Variants in PYHIN1 observed in about 807,000 individuals in gnomAD.
PYHIN1 encodes the protein pyrin and HIN domain-containing protein 1.
Under a neutral mutation model 43.7 loss-of-function variants are expected in PYHIN1, and 32 were observed. The observed-to-expected ratio is 0.73, with a 90% CI of 0.55 to 0.98. The LOEUF is 0.98. Ranked by LOEUF, PYHIN1 falls within the 50% of genes least tolerant of loss-of-function variation. The pLI, the probability that PYHIN1 is intolerant of heterozygous loss-of-function variation, is 0.00. For synonymous variants in PYHIN1, 205 were observed against 203.1 expected (o/e 1.01, Z -0.08); for missense variants, 588 against 589.5 (o/e 1.00, Z 0.03).
intron 4 of PYHIN1, 45 bp from the exon 5 acceptor site, chr1:158,941,932 T>TC: frequency 1.3e-6 from 2 of 1,519,342 alleles, no homozygotes; most frequent in Middle Eastern, 1.8e-4. Flanking sequence ...TCTGTATTCC[T>TC]CACTCAAAAA....
At position 158,942,012 on chromosome 1, in the gene PYHIN1, C is replaced by G; in HGVS notation, c.615C>G (p.Ala205=). ...CATTGGCCAACCGTCACGCAACTGC[C>G]AGTAAAAATATTTTCCGAGAAGACC... The part of the protein sequence containing the change: ...LKPLANRHAT[A]SKNIFREDPI... Residue 205 remains alanine (A), a synonymous_variant, in exon 5 of 9, where the codon GCC becomes GCG. Coordinates refer to ENST00000368140, the MANE Select transcript of PYHIN1 (RefSeq NM_152501.5). 1 of 1,611,012 alleles carries G rather than the reference C, an allele frequency of 6.2e-7. No individual in the cohort carries two copies.
rs1400907549 is a variant in PYHIN1, at chr1:158,933,591, T to C, written c.-21+1815T>C. 2.0e-5 allele frequency among the ~76,000 whole-genome samples: 3 copies of C among 152,110 alleles called. No homozygotes were observed. Among genetic ancestry groups the C allele is most frequent in the African/African-American group, 7.2e-5 (3 of 41,460 alleles). On this transcript the variant is annotated intron_variant, in intron 1 of 8. Coordinates refer to ENST00000368140, the MANE Select transcript of PYHIN1 (RefSeq NM_152501.5). This position sits in a 1 kb window ranked among gnomAD's most constrained non-coding sequence, Gnocchi z 6.3. ...AATCAAATTTGATAAAAGTTGTCAT[T>C]TAACTAGTTAACCTCTTTATGTATA...
chr1:158,983,566 A>G, the PYHIN1 span, among the ~76,000 whole-genome samples: 2 of 151,970 alleles, frequency 1.3e-5, no homozygotes, highest in African/African-American at 2.4e-5. Flanking sequence ...GGACTTTTGC[A>G]TCAATATTTA....
intron 7 of PYHIN1, among the ~76,000 whole-genome samples, chr1:158,968,594 G>C (rs999352451): frequency 2.0e-5 from 3 of 152,018 alleles, no homozygotes; most frequent in Non-Finnish European, 2.9e-5. Flanking sequence ...CTAGTACTGG[G>C]CATATGCCCA....
intron 7 of PYHIN1, among the ~76,000 whole-genome samples, chr1:158,949,204 C>CA (rs1649386184): frequency 6.6e-6 from 1 of 152,064 alleles, no homozygotes; most frequent in Non-Finnish European, 1.5e-5. Context: ...GATGAGGTTA[C>CA]AAAACTGTGA....
chr1:158,950,727 T>C (rs1649480778), intron 7 of PYHIN1, among the ~76,000 whole-genome samples: 1 of 152,158 alleles, frequency 6.6e-6, no homozygotes, highest in Non-Finnish European at 1.5e-5. Context: ...TTACCCATAC[T>C]CCCCCTTTTC....
chr1:158,962,103 C>T (rs1053479383), intron 7 of PYHIN1, among the ~76,000 whole-genome samples: 3 of 152,132 alleles, frequency 2.0e-5, no homozygotes, highest in Non-Finnish European at 4.4e-5. Flanking sequence ...TGCCTTCAGG[C>T]CCTGGAGAGT....
Position 158,973,748 on chromosome 1 carries a change from C to T in PYHIN1, c.1461C>T (p.Arg487=). 1 of 1,613,090 alleles carries T rather than the reference C, an allele frequency of 6.2e-7. No homozygotes were observed. Among genetic ancestry groups the T allele is most frequent in the Non-Finnish European group, 8.5e-7 (1 of 1,179,384 alleles). The stretch of plus-strand genomic sequence containing the variant: ...TTTCTTCTGACACTTCCACCAACCG[C>T]CATCCAGCAGTTCCTTAAATAAGGT... ...PPLSSDTSTN[R]HPAVP is the part of the protein sequence containing the mutation. The change falls in exon 8 of 9, where the codon CGC becomes CGT. Residue 487 remains arginine, a synonymous_variant. Transcript: ENST00000368140.
At chr1:158,950,091 A>G (rs964327620) in intron 7 of PYHIN1, among the ~76,000 whole-genome samples, 5 of 152,220 alleles carry the variant, frequency 3.3e-5, no homozygotes, top group African/African-American at 1.2e-4. Context: ...TAGCCAAGCA[A>G]TCACGTTATT....
intron 5 of PYHIN1, 32 bp from the exon 6 acceptor site, chr1:158,943,758 C>T (rs764922644): frequency 6.5e-7 from 1 of 1,544,150 alleles, no homozygotes; most frequent in Admixed American, 1.8e-5. Context: ...TTACTATGTT[C>T]TCACAAACAT....
chr1:158,979,560 T>C (rs1389231264), downstream of PYHIN1, among the ~76,000 whole-genome samples: 2 of 152,212 alleles, frequency 1.3e-5, no homozygotes, highest in Non-Finnish European at 2.9e-5. Flanking sequence ...CATTTTCTTA[T>C]CTATTCATTC....
At chr1:158,965,480 G>A (rs754021838) in intron 7 of PYHIN1, among the ~76,000 whole-genome samples, 8 of 151,992 alleles carry the variant, frequency 5.3e-5, no homozygotes, top group Non-Finnish European at 1.2e-4. Flanking sequence ...CTCTGAAGTC[G>A]ACCACACGAT....
chr1:158,944,267 T>G (rs1011043798), intron 6 of PYHIN1, among the ~76,000 whole-genome samples: 2 of 152,236 alleles, frequency 1.3e-5, no homozygotes, highest in African/African-American at 4.8e-5. Flanking sequence ...CCAAGTTCTT[T>G]GCAGTAAGAT....
intron 1 of PYHIN1, among the ~76,000 whole-genome samples, chr1:158,934,140 T>A (rs1648352867): frequency 6.6e-6 from 1 of 152,166 alleles, no homozygotes; most frequent in Non-Finnish European, 1.5e-5. Flanking sequence ...ACTTGGAGGT[T>A]TATAAAGATT....
At chr1:158,934,703 T>C (rs1344062361) in intron 1 of PYHIN1, among the ~76,000 whole-genome samples, 1 of 152,228 alleles carries the variant, frequency 6.6e-6, no homozygotes, top group Non-Finnish European at 1.5e-5. Flanking sequence ...ACATGTTTTC[T>C]ATAATTAAAA....
chr1:158,939,210 C>G lies in PYHIN1; in HGVS notation c.542C>G (p.Thr181Ser). 6.2e-7 allele frequency: 1 copy of G among 1,610,084 alleles called. No individual in the cohort carries two copies. Among genetic ancestry groups the G allele is most frequent in the Non-Finnish European group, 8.5e-7 (1 of 1,178,940 alleles). Residue 181 changes from threonine (T) to serine (S), a missense_variant, in exon 4 of 9, where the codon ACC becomes AGC. Coordinates refer to ENST00000368140, the MANE Select transcript of PYHIN1 (RefSeq NM_152501.5). ...ATGGGCCGTTCCCCACCTCCCCAGACCTCATCATCAGCTCCACCCAACACT... is the reference window on the plus strand; with the variant it reads ...ATGGGCCGTTCCCCACCTCCCCAGAGCTCATCATCAGCTCCACCCAACACT... ...TAMGRSPPPQ[T>S]SSSAPPNTSS...
In PYHIN1 at chr1:158,932,148, C is replaced by A. The variant is rs79500700; in HGVS notation, c.-21+372C>A. Reference sequence around the variant, plus strand: ...TTTTTTATGGATGCATAGTATTCCACGCTGTATATGCATAACATGGATACG... The same window carrying A: ...TTTTTTATGGATGCATAGTATTCCAAGCTGTATATGCATAACATGGATACG... On this transcript the variant is annotated intron_variant, in intron 1 of 8. Coordinates refer to ENST00000368140, the MANE Select transcript of PYHIN1 (RefSeq NM_152501.5). 5.9e-3 allele frequency among the ~76,000 whole-genome samples: 891 copies of A among 152,212 alleles called. 13 individuals are homozygous for A. Among genetic ancestry groups the A allele is most frequent in the African/African-American group, 0.013 (555 of 41,528 alleles).
chr1:158,977,379 T>C (rs566233957), downstream of PYHIN1, among the ~76,000 whole-genome samples: 2 of 152,270 alleles, frequency 1.3e-5, no homozygotes, highest in East Asian at 3.9e-4. Flanking sequence ...ACCAGGCACT[T>C]TCTGGTGATG....
chr1:158,968,551 C>CT (rs1437703057), intron 7 of PYHIN1, among the ~76,000 whole-genome samples: 1 of 152,062 alleles, frequency 6.6e-6, no homozygotes, highest in Non-Finnish European at 1.5e-5. Flanking sequence ...CCTCAAAGAA[C>CT]TTAGAACAGA....
Sources: allele counts gnomAD v4.1 joint callset (sites outside exome capture counted in the v4.1 genomes callset), GRCh38; gene constraint gnomAD v4.1.1; non-coding constraint Gnocchi (gnomAD v3.1); transcripts MANE v1.5; gene names NCBI Gene and HGNC (gene_info 2026-07-23, HGNC 2026-07-21).